STK32B: variants seen among roughly 807,000 people sequenced by gnomAD.
STK32B encodes the protein serine/threonine kinase 32B, also known as serine/threonine-protein kinase 32B.
A neutral mutation model predicts 52.6 loss-of-function variants in STK32B; 43 were observed. The ratio of observed to expected loss-of-function variants is 0.82; its 90% confidence interval spans 0.64 to 1.05. STK32B has a LOEUF of 1.05. Among genes scored for constraint, STK32B ranks in the 50% least tolerant of loss-of-function variants. The probability of loss-of-function intolerance (pLI) is 0.00; values close to 1 mark genes in which losing one functional copy is unlikely to be tolerated. For synonymous variants in STK32B, 238 were observed against 204.3 expected (o/e 1.17, Z -1.41); for missense variants, 621 against 534.6 (o/e 1.16, Z -1.59).
At chr4:5,165,035 T>C (rs1718764784) in intron 2 of STK32B, among the ~76,000 whole-genome samples, 1 of 152,194 alleles carries the variant, frequency 6.6e-6, no homozygotes, top group South Asian at 2.1e-4. Flanking sequence ...CAGAGCCCAG[T>C]TTTCCTGACT....
intron 3 of STK32B, among the ~76,000 whole-genome samples, chr4:5,289,939 G>T (rs1462874117): frequency 6.6e-6 from 1 of 151,878 alleles, no homozygotes; most frequent in African/African-American, 2.4e-5. Flanking sequence ...AGGTTTTGTT[G>T]TACAGATTAT....
At chr4:5,223,177 TGTG>T (rs891575920) in intron 3 of STK32B, among the ~76,000 whole-genome samples, 1 of 152,188 alleles carries the variant, frequency 6.6e-6, no homozygotes, top group Admixed American at 6.5e-5. Context: ...GCAGCATCCA[TGTG>T]GTGCTAATTC....
intron 3 of STK32B, among the ~76,000 whole-genome samples, chr4:5,203,432 C>T (rs1448213291): frequency 1.3e-5 from 2 of 152,044 alleles, no homozygotes; most frequent in Non-Finnish European, 2.9e-5. Context: ...TTACATGTCT[C>T]TTTTTTCAAA....
At chr4:5,143,019 C>T (rs1485296815) in intron 2 of STK32B, among the ~76,000 whole-genome samples, 1 of 152,160 alleles carries the variant, frequency 6.6e-6, no homozygotes, top group Non-Finnish European at 1.5e-5. Context: ...CCAGCATGCC[C>T]TGTAAAAGTC....
intron 3 of STK32B, among the ~76,000 whole-genome samples, chr4:5,226,500 A>G (rs967604439): frequency 6.6e-6 from 1 of 152,190 alleles, no homozygotes; most frequent in East Asian, 1.9e-4. Flanking sequence ...ATGAAATCTC[A>G]TGCCTGCCCC....
At position 5,170,711 on chromosome 4, in the gene STK32B, G is replaced by T. The variant is rs528182605; in HGVS notation, c.260+2261G>T. Among the ~76,000 whole-genome samples, 1,500 of 152,202 alleles carry T rather than the reference G, an allele frequency of 9.9e-3. 20 individuals are homozygous for T. Among genetic ancestry groups the T allele is most frequent in the Middle Eastern group, 0.031 (9 of 294 alleles). On this transcript the variant is annotated intron_variant, in intron 3 of 11. Transcript: ENST00000282908. ...CATTTTCTTAATCCAGTCTATCATT[G>T]TTGGACATTTGGGTTGGTTCCAAGT...
At chr4:5,355,532 G>A (rs1734116429) in intron 4 of STK32B, among the ~76,000 whole-genome samples, 1 of 152,140 alleles carries the variant, frequency 6.6e-6, no homozygotes, top group African/African-American at 2.4e-5. Context: ...AGATTCTGAA[G>A]GCACTGGCAG....
intron 3 of STK32B, among the ~76,000 whole-genome samples, chr4:5,213,174 C>G (rs1465900660): frequency 6.6e-6 from 1 of 152,144 alleles, no homozygotes; most frequent in East Asian, 1.9e-4. Context: ...CTTCTTTTCC[C>G]TCATCCATCA....
intron 3 of STK32B, among the ~76,000 whole-genome samples, chr4:5,259,481 A>C (rs910135925): frequency 6.6e-6 from 1 of 152,140 alleles, no homozygotes; most frequent in African/African-American, 2.4e-5. Flanking sequence ...GATTTCCGTT[A>C]AGTTACTCAA....
intron 4 of STK32B, among the ~76,000 whole-genome samples, chr4:5,350,242 C>G (rs1197217475): frequency 6.6e-6 from 1 of 152,098 alleles, no homozygotes; most frequent in African/African-American, 2.4e-5. Context: ...TAAAGGACTT[C>G]CCATCAGGTT....
rs536610789 is a variant in STK32B at position 5,170,758 on chromosome 4, C to T, written c.260+2308C>T. ...AAGTCTTTGCTATTGTGAATAGTGC[C>T]GCAGTAAACATACGTGTGCATGTGT... On this transcript the variant is annotated intron_variant, in intron 3 of 11. Coordinates refer to ENST00000282908, the MANE Select transcript of STK32B (RefSeq NM_018401.3). Among the ~76,000 whole-genome samples the T allele has an allele frequency of 4.0e-3, 612 of 152,176 alleles. 6 individuals are homozygous for T. The highest frequency in any genetic ancestry group is 9.7e-3 in the African/African-American group (403 of 41,532).
intron 3 of STK32B, among the ~76,000 whole-genome samples, chr4:5,173,455 G>C (rs539498385): frequency 5.8e-4 from 88 of 151,846 alleles, no homozygotes; most frequent in South Asian, 2.5e-3. Context: ...CTATAAATTT[G>C]CCTCTACACA....
At position 5,378,198 on chromosome 4, in the gene STK32B, G is replaced by T. The variant is rs1046976526; in HGVS notation, c.435-20009G>T. ...CATGTCCAGTCCAGTAGCGCCCACT[G>T]GTGACAGCAGGCACTTTATGAAAGA... On this transcript the variant is annotated intron_variant, in intron 4 of 11. Coordinates refer to ENST00000282908, the MANE Select transcript of STK32B (RefSeq NM_018401.3). This position sits in a 1 kb window ranked among gnomAD's most constrained non-coding sequence, Gnocchi z 4.4. 6.6e-6 allele frequency among the ~76,000 whole-genome samples: 1 copy of T among 152,200 alleles called. No homozygotes were observed. Among genetic ancestry groups the T allele is most frequent in the African/African-American group, 2.4e-5 (1 of 41,450 alleles).
chr4:5,257,972 C>T (rs920039176), intron 3 of STK32B, among the ~76,000 whole-genome samples: 8 of 151,978 alleles, frequency 5.3e-5, no homozygotes, highest in African/African-American at 1.7e-4. Flanking sequence ...AGAAAAAAAA[C>T]AATACAGCAG....
chr4:5,171,836 T>C (rs367837233), intron 3 of STK32B, among the ~76,000 whole-genome samples: 24,330 of 145,402 alleles, frequency 0.17, 2,720 homozygotes, highest in East Asian at 0.28. Context: ...TTTTTCCAAT[T>C]CTGTGAAGAA....
chr4:5,235,538 T>C lies in STK32B; in HGVS notation c.260+67088T>C, dbSNP rs150250183. On this transcript the variant is annotated intron_variant, in intron 3 of 11. Transcript: ENST00000282908. The stretch of plus-strand genomic sequence containing the variant: ...ATAGCCTGTCGAATTAGCAACTTTA[T>C]CTGAGGATTTCAGATAATAGAAAGT... Among the ~76,000 whole-genome samples the C allele has an allele frequency of 3.8e-3, 573 of 152,316 alleles. 3 individuals carry two copies. The highest frequency in any genetic ancestry group is 7.0e-3 in the Non-Finnish European group (473 of 68,018).
intron 1 of STK32B, among the ~76,000 whole-genome samples, chr4:5,062,400 AC>A (rs1296691859): frequency 1.3e-5 from 2 of 152,148 alleles, no homozygotes; most frequent in African/African-American, 2.4e-5. Context: ...TCACCATCCA[AC>A]AGAAGAAATA....
chr4:5,359,466 A>G (rs1447875614), intron 4 of STK32B, among the ~76,000 whole-genome samples: 1 of 151,712 alleles, frequency 6.6e-6, no homozygotes, highest in Non-Finnish European at 1.5e-5. Flanking sequence ...ATGCCAGTCT[A>G]ATGATGCAGC....
intron 4 of STK32B, among the ~76,000 whole-genome samples, chr4:5,339,725 TACTAAACTCTGCTCA>T (rs1222607478): frequency 6.6e-6 from 1 of 152,214 alleles, no homozygotes; most frequent in Non-Finnish European, 1.5e-5. Context: ...TTAGGTGGGC[TACTAAACTCTGCTCA>T]ACTTTTTGGA....
Sources: gnomAD v4.1 joint callset for allele counts (sites outside exome capture counted in the v4.1 genomes callset) on GRCh38, gnomAD v4.1.1 for gene constraint, Gnocchi (gnomAD v3.1) non-coding constraint, MANE v1.5 for transcripts, NCBI Gene and HGNC (gene_info 2026-07-23, HGNC 2026-07-21) for gene names.